PXDN: variants seen among roughly 807,000 people sequenced by gnomAD.
The protein encoded by PXDN is peroxidasin homolog.
PXDN carries 77 observed loss-of-function variants against 140.3 expected under a neutral mutation model. The observed-to-expected ratio is 0.55, with a 90% CI of 0.46 to 0.66. The LOEUF (loss-of-function observed/expected upper bound fraction) is 0.66. Ranked by LOEUF, PXDN falls within the 30% of genes least tolerant of loss-of-function variation. The pLI, the probability that PXDN is intolerant of heterozygous loss-of-function variation, is 0.00. For missense variants in PXDN, 1,838 were observed against 2,039.5 expected, an observed-to-expected ratio of 0.90 and a Z score of 1.90; for synonymous variants, 911 against 857.4, an observed-to-expected ratio of 1.06 and a Z score of -1.09.
chr2:1,637,743 T>G, intron 21 of PXDN, among the ~76,000 whole-genome samples: 1 of 133,134 alleles, frequency 7.5e-6, no homozygotes, highest in Non-Finnish European at 1.7e-5. Context: ...GTCTCTAGGC[T>G]GTGGAGGGAG....
rs370841716 is a variant in PXDN at position 1,649,467 on chromosome 2, G to A, written c.2313C>T (p.Tyr771=). The stretch of plus-strand genomic sequence containing the variant: ...CCCGAGGGGTGTTGAAGCCATTCTC[G>A]TACACGGATTTCAGCAGGCGCTCGA... ...TAFERLLKSV[Y]ENGFNTPRGI... is the part of the protein sequence containing the mutation. The change falls in exon 17 of 23, where the codon TAC becomes TAT. Residue 771 remains tyrosine (Y), a synonymous_variant. Coordinates refer to ENST00000252804, the MANE Select transcript of PXDN (RefSeq NM_012293.3). This position sits in a 1 kb window ranked among gnomAD's most constrained non-coding sequence, Gnocchi z 7.1. 87 of 1,613,888 alleles carry A rather than the reference G, an allele frequency of 5.4e-5. 1 individual carries two copies. The highest frequency in any genetic ancestry group is 7.2e-5 in the Non-Finnish European group (85 of 1,179,888).
At chr2:1,710,632 C>G (rs1247637917) in intron 1 of PXDN, among the ~76,000 whole-genome samples, 2 of 143,906 alleles carry the variant, frequency 1.4e-5, no homozygotes, top group Non-Finnish European at 3.1e-5. Flanking sequence ...TCTCCACCAG[C>G]ACCCACTCTA....
chr2:1,664,867 C>T (rs1683394414), intron 11 of PXDN, 91 bp downstream of exon 11: 4 of 1,123,276 alleles, frequency 3.6e-6, no homozygotes, highest in Non-Finnish European at 5.1e-6. Context: ...CTGTCCAGAA[C>T]ACGCTGGGGT....
intron 14 of PXDN, among the ~76,000 whole-genome samples, chr2:1,658,037 T>TCG (rs1384123605): frequency 0.023 from 474 of 20,708 alleles, 11 homozygotes; most frequent in African/African-American, 0.081. Context: ...GCTCTCTCTC[T>TCG]CTCTCTCTCT....
chr2:1,672,715 G>C (rs78615663), intron 9 of PXDN, among the ~76,000 whole-genome samples: 1,717 of 152,318 alleles, frequency 0.011, 36 homozygotes, highest in African/African-American at 0.039. Context: ...GTGCTGCAGA[G>C]ACCAGGCCAA....
chr2:1,668,582 C>T (rs1298979575), intron 9 of PXDN, among the ~76,000 whole-genome samples: 2 of 141,842 alleles, frequency 1.4e-5, no homozygotes, highest in African/African-American at 5.2e-5. Context: ...CCAGAATCTA[C>T]AAGGAACTTA....
At position 1,714,973 on chromosome 2, in the gene PXDN, C is replaced by T. The variant is rs569758505; in HGVS notation, c.201-21839G>A. Among the ~76,000 whole-genome samples, 17 of 152,228 alleles carry T rather than the reference C, an allele frequency of 1.1e-4. No homozygotes were observed. The highest frequency in any genetic ancestry group is 2.1e-4 in the Non-Finnish European group (14 of 68,030). On this transcript the variant is annotated intron_variant, in intron 1 of 22. Transcript: ENST00000252804. The surrounding 1 kb of genome is among the most constrained non-coding windows in gnomAD (Gnocchi z 4.3). ...TCAGGTTTTAGGCGACATATGAACA[C>T]GCCACCCATTAATACAAAGCCCCCT...
chr2:1,654,524 G>GT lies in PXDN; in HGVS notation c.1838-17dup, dbSNP rs1683087097. 3 of 1,567,668 alleles carry GT rather than the reference G, an allele frequency of 1.9e-6. No homozygotes were observed. Among genetic ancestry groups the GT allele is most frequent in the Non-Finnish European group, 2.6e-6 (3 of 1,138,188 alleles). On this transcript the variant is annotated splice_polypyrimidine_tract_variant and intron_variant, in intron 14 of 22. Transcript: ENST00000252804. ...ACGTCAGGAACTAGGAAAATACAAA[G>GT]TCGCGTATTACCAGGAAAAATACTG...
chr2:1,654,340 C>G, intron 15 of PXDN, 60 bp downstream of exon 15: 1 of 1,222,112 alleles, frequency 8.2e-7, no homozygotes, highest in Non-Finnish European at 1.2e-6. Flanking sequence ...TTTAATCACT[C>G]CCACCTTCAC....
chr2:1,702,674 G>C (rs1273541023), intron 1 of PXDN, among the ~76,000 whole-genome samples: 1 of 152,082 alleles, frequency 6.6e-6, no homozygotes, highest in East Asian at 1.9e-4. Context: ...TGTCGCCCAG[G>C]CTGGAGTGCA....
intron 1 of PXDN, among the ~76,000 whole-genome samples, chr2:1,722,199 T>C (rs1284677021): frequency 6.6e-6 from 1 of 152,166 alleles, no homozygotes; most frequent in Non-Finnish European, 1.5e-5. Context: ...AAGAATAAAA[T>C]TAAGCCAAAG....
intron 4 of PXDN, 93 bp from the exon 5 acceptor site, chr2:1,684,244 T>C: frequency 1.0e-6 from 1 of 990,262 alleles, no homozygotes; most frequent in South Asian, 1.4e-5. Context: ...CATTTCAAAT[T>C]CAGATATCAA....
chr2:1,660,858 G>C lies in PXDN; in HGVS notation c.1837+23C>G. 6.2e-7 allele frequency: 1 copy of C among 1,600,764 alleles called. No individual in the cohort carries two copies. The highest frequency in any genetic ancestry group is 8.5e-7 in the Non-Finnish European group (1 of 1,171,216). ...TTTCTTTGTGGATACCATGTGGGTA[G>C]ATGTGGGCATGTGGCATCTTACCAT... On this transcript the variant is annotated intron_variant, in intron 14 of 22. Transcript: ENST00000252804. This position sits in a 1 kb window ranked among gnomAD's most constrained non-coding sequence, Gnocchi z 4.6.
rs1683292900 is a variant in PXDN, at chr2:1,661,026, C to T, written c.1692G>A (p.Gln564=). 2 of 1,613,762 alleles carry T rather than the reference C, an allele frequency of 1.2e-6. No homozygotes were observed. Among genetic ancestry groups the T allele is most frequent in the South Asian group, 2.2e-5 (2 of 91,090 alleles). Residue 564 remains glutamine (Q), a synonymous_variant, in exon 14 of 23, where the codon CAG becomes CAA. Coordinates refer to ENST00000252804, the MANE Select transcript of PXDN (RefSeq NM_012293.3). ...PAITWNKDGV[Q]VTESGKFHIS... is the part of the protein sequence containing the mutation. ...TGTGAAATTTTCCACTTTCTGTCAC[C>T]TGAACCCCATCCTGGAGCAAAACAG...
intron 1 of PXDN, among the ~76,000 whole-genome samples, chr2:1,711,156 G>A (rs377430874): frequency 0.046 from 2,026 of 43,642 alleles, 97 homozygotes; most frequent in Middle Eastern, 0.062. Flanking sequence ...ACCAGCACCC[G>A]CTCCACCAGC....
At chr2:1,680,983 C>A (rs1683887700) in intron 6 of PXDN, among the ~76,000 whole-genome samples, 1 of 152,166 alleles carries the variant, frequency 6.6e-6, no homozygotes, top group Admixed American at 6.5e-5. Flanking sequence ...GTGCCTGCAC[C>A]CTGGGAAAAG....
intron 16 of PXDN, among the ~76,000 whole-genome samples, chr2:1,652,184 T>C (rs929670203): frequency 2.0e-5 from 3 of 152,192 alleles, no homozygotes; most frequent in African/African-American, 7.2e-5. Context: ...TGAGGAGACA[T>C]TTCCAGATGG....
chr2:1,742,972 T>C (rs916632289), intron 1 of PXDN, among the ~76,000 whole-genome samples: 2 of 152,254 alleles, frequency 1.3e-5, no homozygotes, highest in African/African-American at 2.4e-5. Flanking sequence ...GCAGACTCTT[T>C]GCTGGTGCCA....
chr2:1,708,446 C>T (rs1221385420), intron 1 of PXDN, among the ~76,000 whole-genome samples: 1 of 152,180 alleles, frequency 6.6e-6, no homozygotes, highest in African/African-American at 2.4e-5. Flanking sequence ...CCCAGTCAGC[C>T]TCCGCCCTTC....
Sources: allele counts gnomAD v4.1 joint callset (sites outside exome capture counted in the v4.1 genomes callset), GRCh38; gene constraint gnomAD v4.1.1; non-coding constraint Gnocchi (gnomAD v3.1); transcripts MANE v1.5; gene names NCBI Gene and HGNC (gene_info 2026-07-23, HGNC 2026-07-21).